Variants in MTM1 observed in about 807,000 individuals in gnomAD.
MTM1 encodes myotubularin.
Under a neutral mutation model 52.1 loss-of-function variants are expected in MTM1, and 9 were observed. The ratio of observed to expected loss-of-function variants is 0.17; its 90% CI spans 0.10 to 0.30. The LOEUF (loss-of-function observed/expected upper bound fraction) is 0.30, where lower values mean the gene tolerates loss of function less well. Ranked by LOEUF, MTM1 falls within the 10% of genes least tolerant of loss-of-function variation. The probability of loss-of-function intolerance (pLI) is 1.00; values close to 1 mark genes in which losing one functional copy is unlikely to be tolerated. For synonymous variants in MTM1, 136 were observed against 163.8 expected, an observed-to-expected ratio of 0.83 and a Z score of 1.29; for missense variants, 277 against 470.7, an observed-to-expected ratio of 0.59 and a Z score of 3.81.
intron 10 of MTM1, among the ~76,000 whole-genome samples, chrX:150,652,149 T>C (rs1333150697): frequency 9.0e-6 from 1 of 111,083 alleles, no homozygotes; most frequent in African/African-American, 3.3e-5. Context: ...AGAAAAGATT[T>C]ACTTCAGGAA....
chrX:150,586,613 A>G (rs954244633), intron 1 of MTM1, among the ~76,000 whole-genome samples: 1 of 111,144 alleles, frequency 9.0e-6, no homozygotes, highest in East Asian at 2.8e-4. Context: ...TTGGGGAATG[A>G]CTTAAGAGTT....
intron 1 of MTM1, among the ~76,000 whole-genome samples, chrX:150,568,884 C>A (rs2038309327): frequency 8.8e-6 from 1 of 113,180 alleles, no homozygotes; most frequent in Non-Finnish European, 1.9e-5. Flanking sequence ...CGGCTTCCTC[C>A]CGTTCTCCCC....
chrX:150,639,077 T>C, intron 7 of MTM1, 51 bp downstream of exon 7: 1 of 944,192 alleles, frequency 1.1e-6, no homozygotes, highest in Non-Finnish European at 1.5e-6. Flanking sequence ...GAAACATGCA[T>C]TATGACAGTA....
At chrX:150,595,224 G>A (rs1381462577) in intron 2 of MTM1, among the ~76,000 whole-genome samples, 2 of 111,528 alleles carry the variant, frequency 1.8e-5, no homozygotes, top group East Asian at 5.6e-4. Flanking sequence ...ACTTTGGAAG[G>A]TCAAGGCAGG....
intron 4 of MTM1, among the ~76,000 whole-genome samples, chrX:150,611,506 ATAAT>A (rs782045080): frequency 5.5e-4 from 62 of 112,046 alleles, no homozygotes; most frequent in Non-Finnish European, 8.8e-4. Flanking sequence ...TTATTTTGAA[ATAAT>A]TATGAGCTCA....
At chrX:150,655,434 T>C (rs1557414370) in intron 10 of MTM1, among the ~76,000 whole-genome samples, 1 of 112,026 alleles carries the variant, frequency 8.9e-6, no homozygotes, top group Non-Finnish European at 1.9e-5. Flanking sequence ...TCAAAAAATG[T>C]GTATGCAAAA....
upstream of MTM1, among the ~76,000 whole-genome samples, chrX:150,566,228 C>T (rs5970428): frequency 0.076 from 8,414 of 111,143 alleles, 485 homozygotes; most frequent in African/African-American, 0.2. Flanking sequence ...CTTCACCACC[C>T]GGGTTCAAGT....
At chrX:150,668,586 T>G (rs782751385) in intron 14 of MTM1, among the ~76,000 whole-genome samples, 8 of 110,000 alleles carry the variant, frequency 7.3e-5, no homozygotes, top group African/African-American at 2.6e-4. Context: ...ATGCTTGCAG[T>G]CCTAGCTACT....
At chrX:150,625,611 A>T (rs1474303585) in intron 6 of MTM1, among the ~76,000 whole-genome samples, 1 of 112,085 alleles carries the variant, frequency 8.9e-6, no homozygotes, top group Non-Finnish European at 1.9e-5. Context: ...ATGGTTTTCC[A>T]TGTTTTTCTT....
rs1310032956 is a variant in MTM1, at chrX:150,640,172, T to C, written c.529-1097T>C. Among the ~76,000 whole-genome samples the C allele has an allele frequency of 8.9e-5, 10 of 112,136 alleles. No individual in the cohort carries two copies. The East Asian group carries it at 2.8e-3, about 31-fold the overall frequency. On this transcript the variant is annotated intron_variant, in intron 7 of 14. Transcript: ENST00000370396. ...ACATTTTGCATGTTTTGGAGACCTC[T>C]GTAAATGATGTATTAAAATATTTTT... is the stretch of plus-strand genomic sequence containing the variant.
intron 1 of MTM1, among the ~76,000 whole-genome samples, chrX:150,578,999 C>G (rs782009839): frequency 1.1e-5 from 1 of 94,234 alleles, no homozygotes; most frequent in Non-Finnish European, 2.1e-5. Flanking sequence ...CGTGAGCATG[C>G]GATATGTATC....
At chrX:150,583,470 AT>A (rs2038666187) in intron 1 of MTM1, among the ~76,000 whole-genome samples, 1 of 30,462 alleles carries the variant, frequency 3.3e-5, no homozygotes, top group Non-Finnish European at 5.3e-5. Context: ...TTATAAATAT[AT>A]ATAAATTATA....
chrX:150,588,084 C>T (rs1311752517), intron 1 of MTM1, among the ~76,000 whole-genome samples: 3 of 111,688 alleles, frequency 2.7e-5, no homozygotes, highest in African/African-American at 9.8e-5. Context: ...AAACAGACTT[C>T]TAAGTAAGGA....
intron 4 of MTM1, among the ~76,000 whole-genome samples, chrX:150,611,965 C>T (rs191395780): frequency 8.9e-6 from 1 of 112,204 alleles, no homozygotes. Flanking sequence ...GAGGCTGAGG[C>T]AGGTGGATGG....
intron 4 of MTM1, among the ~76,000 whole-genome samples, chrX:150,604,817 C>T (rs1557412801): frequency 9.0e-6 from 1 of 111,125 alleles, no homozygotes; most frequent in Non-Finnish European, 1.9e-5. Flanking sequence ...CCTTTCCTAC[C>T]TTATCGCACA....
At position 150,614,343 on chromosome X, in the gene MTM1, T is replaced by G. The variant is rs222395; in HGVS notation, c.232-246T>G. ...CACGGACGTCCTGGAAATGTGTACC[T>G]AGGAGTTTAGTCTTTACTCCAGAGG... On this transcript the variant is annotated intron_variant, in intron 4 of 14. Transcript: ENST00000370396. Among the ~76,000 whole-genome samples, 138 of 112,075 alleles carry G rather than the reference T, an allele frequency of 1.2e-3. 1 individual carries two copies. The highest frequency in any genetic ancestry group is 4.2e-3 in the African/African-American group (130 of 30,852).
intron 5 of MTM1, among the ~76,000 whole-genome samples, chrX:150,618,417 G>C (rs1252679405): frequency 9.0e-6 from 1 of 111,434 alleles, no homozygotes; most frequent in Non-Finnish European, 1.9e-5. Context: ...ACTTTGGGAG[G>C]CCGAGGCAGG....
chrX:150,630,483 A>G (rs1557413540), intron 6 of MTM1, among the ~76,000 whole-genome samples: 1 of 110,845 alleles, frequency 9.0e-6, no homozygotes, highest in Non-Finnish European at 1.9e-5. Context: ...TGTAGCTTCC[A>G]GTTTTATTTT....
rs189367797 is a variant in MTM1 at position 150,665,598 on chromosome X, C to T, written c.1644+1989C>T. Reference sequence around the variant, plus strand: ...CAGAAGGTATTCAAACAATTACTGGCCACCTGTAGTATTCACAGCACTATG... The same window carrying T: ...CAGAAGGTATTCAAACAATTACTGGTCACCTGTAGTATTCACAGCACTATG... On this transcript the variant is annotated intron_variant, in intron 14 of 14. Transcript: ENST00000370396. Among the ~76,000 whole-genome samples the T allele has an allele frequency of 5.3e-5, 6 of 112,335 alleles. No individual in the cohort carries two copies. In the East Asian group the frequency reaches 1.7e-3, roughly 31 times the overall value.
Sources: gnomAD v4.1 joint callset for allele counts (sites outside exome capture counted in the v4.1 genomes callset) on GRCh38, gnomAD v4.1.1 for gene constraint, MANE v1.5 for transcripts, NCBI Gene and HGNC (gene_info 2026-07-23, HGNC 2026-07-21) for gene names.